CACNB4: variants seen among roughly 807,000 people sequenced by gnomAD.
CACNB4 encodes calcium voltage-gated channel auxiliary subunit beta 4, also known as voltage-dependent L-type calcium channel subunit beta-4.
Under a neutral mutation model 71.2 loss-of-function variants are expected in CACNB4, and 32 were observed. The observed-to-expected ratio is 0.45, with a 90% confidence interval of 0.34 to 0.60. CACNB4 has a LOEUF of 0.60. CACNB4 is among the 20% of genes least tolerant of loss of function. CACNB4 has a pLI of 0.01. For missense variants in CACNB4, 464 were observed against 647.9 expected (o/e 0.72, Z 3.08); for synonymous variants, 231 against 236.9 (o/e 0.97, Z 0.23).
chr2:151,939,092 T>A (rs2099863629), intron 2 of CACNB4, among the ~76,000 whole-genome samples: 1 of 152,178 alleles, frequency 6.6e-6, no homozygotes, highest in Non-Finnish European at 1.5e-5. Context: ...TTGCCCTTCT[T>A]TGTTGGAGAT....
In CACNB4 at chr2:151,927,652, C is replaced by T. The variant is rs141067678; in HGVS notation, c.148-44282G>A. Among the ~76,000 whole-genome samples, 870 of 152,320 alleles carry T rather than the reference C, an allele frequency of 5.7e-3. 6 individuals are homozygous for T. Among genetic ancestry groups the T allele is most frequent in the Non-Finnish European group, 0.01 (693 of 68,032 alleles). The stretch of plus-strand genomic sequence containing the variant: ...ACAGCACTGAAAACTCACTTGAGAT[C>T]AATGATCACGAACTGCAGGTGAGTC... On this transcript the variant is annotated intron_variant, in intron 2 of 13. Transcript: ENST00000539935.
chr2:151,949,269 T>A (rs1465234586), intron 2 of CACNB4, among the ~76,000 whole-genome samples: 1 of 151,548 alleles, frequency 6.6e-6, no homozygotes, highest in African/African-American at 2.4e-5. Context: ...ACTTTGTGAG[T>A]TTCTTTTTGC....
chr2:151,918,256 T>C (rs527851171), intron 2 of CACNB4, among the ~76,000 whole-genome samples: 14 of 152,382 alleles, frequency 9.2e-5, no homozygotes, highest in Admixed American at 8.5e-4. Flanking sequence ...TTATATCATT[T>C]GCTCAGTCAA....
chr2:151,872,249 A>G, intron 6 of CACNB4, 168 bp downstream of exon 6: 2 of 593,668 alleles, frequency 3.4e-6, no homozygotes, highest in Non-Finnish European at 3.0e-6. Flanking sequence ...ACCATTTTAA[A>G]TGAAATCAAA....
chr2:152,035,563 C>CTT (rs1684510862), intron 2 of CACNB4, among the ~76,000 whole-genome samples: 1 of 151,042 alleles, frequency 6.6e-6, no homozygotes, highest in African/African-American at 2.5e-5. Flanking sequence ...CCGTCTCTCT[C>CTT]TCTCTTTCTC....
At chr2:152,053,128 C>T (rs1685534714) in intron 2 of CACNB4, among the ~76,000 whole-genome samples, 1 of 152,092 alleles carries the variant, frequency 6.6e-6, no homozygotes, top group Admixed American at 6.5e-5. Flanking sequence ...AAAAGATATT[C>T]AAAAGTGAAT....
chr2:151,869,813 T>C, intron 8 of CACNB4: 1 of 188,790 alleles, frequency 5.3e-6, no homozygotes, highest in African/African-American at 2.3e-5. Flanking sequence ...CATTAATTCA[T>C]TCAGCAAATG....
At chr2:151,852,520 C>T (rs765549139) in intron 12 of CACNB4, 6 of 152,146 alleles carry the variant, frequency 3.9e-5, no homozygotes, top group Non-Finnish European at 5.9e-5. Flanking sequence ...ATGTTCCTGG[C>T]GCTGTTCTAA....
At chr2:152,001,010 C>G (rs1035858107) in intron 2 of CACNB4, among the ~76,000 whole-genome samples, 11 of 152,208 alleles carry the variant, frequency 7.2e-5, no homozygotes, top group African/African-American at 2.7e-4. Flanking sequence ...CTACTGCATA[C>G]CAGACACCAT....
At chr2:152,006,839 GCTCCTATCTATCTAGAATAC>G (rs1375269569) in intron 2 of CACNB4, among the ~76,000 whole-genome samples, 1 of 152,128 alleles carries the variant, frequency 6.6e-6, no homozygotes, top group African/African-American at 2.4e-5. Context: ...TCCTTAGCCA[GCTCCTATCTATCTAGAATAC>G]CTCCTATCCT....
At chr2:151,951,850 T>G (rs987929835) in intron 2 of CACNB4, among the ~76,000 whole-genome samples, 2 of 152,176 alleles carry the variant, frequency 1.3e-5, no homozygotes, top group Non-Finnish European at 2.9e-5. Flanking sequence ...CTGAGAGAAC[T>G]TTCTAGTAAA....
chr2:151,995,666 G>C (rs1293114266), intron 2 of CACNB4, among the ~76,000 whole-genome samples: 1 of 152,134 alleles, frequency 6.6e-6, no homozygotes, highest in African/African-American at 2.4e-5. Context: ...CCAAGATCAC[G>C]CCACTGCACC....
At chr2:151,878,921 A>G (rs2099847167) in intron 4 of CACNB4, among the ~76,000 whole-genome samples, 1 of 152,216 alleles carries the variant, frequency 6.6e-6, no homozygotes, top group Non-Finnish European at 1.5e-5. Context: ...CAAAAAAATA[A>G]AAAAGAAAAG....
upstream of CACNB4, chr2:152,099,108 C>T (rs925604556): frequency 5.5e-6 from 4 of 721,628 alleles, no homozygotes; most frequent in African/African-American, 5.7e-5. Flanking sequence ...CGCAGGACTT[C>T]CCCACCCGGC....
chr2:151,976,206 C>T (rs1288207569), intron 2 of CACNB4, among the ~76,000 whole-genome samples: 1 of 152,234 alleles, frequency 6.6e-6, no homozygotes, highest in African/African-American at 2.4e-5. Context: ...CAGGCTCTGC[C>T]TGCTTTCCAG....
At chr2:151,860,954 A>C in intron 9 of CACNB4, 134 bp from the exon 10 acceptor site, 2 of 634,814 alleles carry the variant, frequency 3.2e-6, no homozygotes, top group South Asian at 3.8e-5. Flanking sequence ...ATTGGCCACA[A>C]GTATTTTAAA....
At chr2:152,005,157 A>G (rs1470825126) in intron 2 of CACNB4, among the ~76,000 whole-genome samples, 1 of 152,248 alleles carries the variant, frequency 6.6e-6, no homozygotes, top group Non-Finnish European at 1.5e-5. Context: ...TCAACCCAGC[A>G]GTTCCATTAC....
At position 152,007,241 on chromosome 2, in the gene CACNB4, G is replaced by T. The variant is rs559306283; in HGVS notation, c.147+91089C>A. ...AATGTAGCATTTTAACCATCCGTAA[G>T]TGTGCAGTTCAGTGATATTAACTAC... is the stretch of plus-strand genomic sequence containing the variant. On this transcript the variant is annotated intron_variant, in intron 2 of 13. Transcript: ENST00000539935. 2.2e-4 allele frequency among the ~76,000 whole-genome samples: 33 copies of T among 152,252 alleles called. 2 individuals are homozygous for T. The South Asian group carries it at 5.2e-3, about 24-fold the overall frequency.
intron 2 of CACNB4, among the ~76,000 whole-genome samples, chr2:151,926,213 T>C (rs909317722): frequency 2.0e-5 from 3 of 152,176 alleles, no homozygotes; most frequent in Non-Finnish European, 4.4e-5. Flanking sequence ...GGAATCAGTA[T>C]AGGTATCTGA....
Sources: allele counts gnomAD v4.1 joint callset (sites outside exome capture counted in the v4.1 genomes callset), GRCh38; gene constraint gnomAD v4.1.1; transcripts MANE v1.5; gene names NCBI Gene and HGNC (gene_info 2026-07-23, HGNC 2026-07-21).